KDM5A: variants seen among roughly 807,000 people sequenced by gnomAD.
KDM5A encodes lysine-specific demethylase 5A.
A neutral mutation model predicts 193.5 loss-of-function variants in KDM5A; 42 were observed. The observed-to-expected ratio is 0.22, with a 90% CI of 0.17 to 0.28. The LOEUF is 0.28. KDM5A is among the 10% of genes least tolerant of loss of function. The pLI is 1.00. For missense variants in KDM5A, 1,692 were observed against 2,055.1 expected (o/e 0.82, Z 3.42); for synonymous variants, 796 against 718.1 (o/e 1.11, Z -1.73).
At chr12:319,447 G>A (rs1004506398) in intron 18 of KDM5A, among the ~76,000 whole-genome samples, 7 of 152,182 alleles carry the variant, frequency 4.6e-5, no homozygotes, top group Non-Finnish European at 1.0e-4. Context: ...AGAAATCAAG[G>A]AGTTTGATTC....
Position 350,720 on chromosome 12 carries a change from T to A in KDM5A, c.1209A>T (p.Glu403Asp). ...EFWRLVSSIEEDVIVEYGADI... is the reference protein window; with the variant it reads ...EFWRLVSSIEDDVIVEYGADI... ...CTGCTCCATATTCCACAATAACATC[T>A]TCTTCAATGCTGCTTACCAGCCGCC... The change falls in exon 10 of 28, where the codon GAA becomes GAT. Residue 403 changes from glutamate to aspartate, a missense_variant. By Grantham distance (45) the Glu-to-Asp change is conservative. This residue lies in a region of KDM5A where 172 missense variants were observed against 260.3 expected (regional missense o/e 0.66). Coordinates refer to ENST00000399788, the MANE Select transcript of KDM5A (RefSeq NM_001042603.3). 6.2e-7 allele frequency: 1 copy of A among 1,614,092 alleles called. No individual in the cohort carries two copies. Among genetic ancestry groups the A allele is most frequent in the Non-Finnish European group, 8.5e-7 (1 of 1,179,950 alleles).
chr12:322,588 A>G, intron 16 of KDM5A, 21 bp from the exon 17 acceptor site: 2 of 1,603,276 alleles, frequency 1.2e-6, no homozygotes, highest in Non-Finnish European at 1.7e-6. Flanking sequence ...TTAAATAAAG[A>G]GCCATATACA....
chr12:348,980 G>A lies in KDM5A; in HGVS notation c.1308+1641C>T, dbSNP rs375382321. Among the ~76,000 whole-genome samples, 5 of 148,136 alleles carry A rather than the reference G, an allele frequency of 3.4e-5. No homozygotes were observed. The East Asian group carries it at 9.7e-4, about 29-fold the overall frequency. On this transcript the variant is annotated intron_variant, in intron 10 of 27. Transcript: ENST00000399788. ...TAGGGGGAAAAAACACGCATTCAGT[G>A]AGGTGAGTTGAAGAAAAGAAAAAAA... is the stretch of plus-strand genomic sequence containing the variant.
chr12:372,855 G>A (rs998619645), intron 3 of KDM5A, among the ~76,000 whole-genome samples: 2 of 152,088 alleles, frequency 1.3e-5, no homozygotes, highest in Admixed American at 6.5e-5. Context: ...ATAATTGTGT[G>A]GTTTTTGTCT....
chr12:332,397 T>C (rs1424829652), intron 12 of KDM5A, among the ~76,000 whole-genome samples: 1 of 152,188 alleles, frequency 6.6e-6, no homozygotes, highest in Non-Finnish European at 1.5e-5. Context: ...TCTCACTTTG[T>C]TTTACAATAA....
chr12:384,082 C>T lies in KDM5A; in HGVS notation c.315G>A (p.Leu105=). Residue 105 remains leucine, a synonymous_variant, in exon 3 of 28, where the codon CTG becomes CTA. Transcript: ENST00000399788. Reference sequence around the variant, plus strand: ...TTTTTCTCTCTACCACAGGGATCTTCAGAGTAGATCCTTGAAGTTCCCAAA... The same window carrying T: ...TTTTTCTCTCTACCACAGGGATCTTTAGAGTAGATCCTTGAAGTTCCCAAA... ...AKFWELQGST[L]KIPVVERKIL... is the part of the protein sequence containing the mutation. 6.2e-7 allele frequency: 1 copy of T among 1,613,120 alleles called. No homozygotes were observed. Among genetic ancestry groups the T allele is most frequent in the Non-Finnish European group, 8.5e-7 (1 of 1,179,050 alleles).
At chr12:350,878 G>A (rs146337423) in intron 9 of KDM5A, 99 bp from the exon 10 acceptor site, 1 of 1,090,920 alleles carries the variant, frequency 9.2e-7, no homozygotes, top group Non-Finnish European at 1.4e-6. Context: ...CCCATGATGA[G>A]ATTAAAAATC....
intron 10 of KDM5A, among the ~76,000 whole-genome samples, chr12:348,665 A>G (rs1041887029): frequency 1.3e-5 from 2 of 152,124 alleles, no homozygotes; most frequent in African/African-American, 4.8e-5. Flanking sequence ...ACAGGGATAG[A>G]AAACCAAAAA....
In KDM5A at chr12:389,031, C is replaced by T; in HGVS notation, c.61G>A (p.Val21Ile). 6.3e-7 allele frequency: 1 copy of T among 1,583,140 alleles called. No individual in the cohort carries two copies. The highest frequency in any genetic ancestry group is 8.6e-7 in the Non-Finnish European group (1 of 1,160,532). The change falls in exon 1 of 28, where the codon GTC (valine) becomes ATC (isoleucine). Residue 21 changes from valine to isoleucine, a missense_variant. Around this residue, in one of 11 missense-constraint regions of KDM5A, gnomAD observed 84 missense variants for 68.2 expected, o/e 1.23. Transcript: ENST00000399788. ...AACTCCTCCCAACTCGGCTCAAAGA[C>T]GGGGCACTCTGGCGGTGGCACGAAC... is the stretch of plus-strand genomic sequence containing the variant. ...AEFVPPPECPVFEPSWEEFTD... is the reference protein window; with the variant it reads ...AEFVPPPECPIFEPSWEEFTD...
chr12:330,403 C>T (rs1215216121), intron 13 of KDM5A, among the ~76,000 whole-genome samples: 1 of 152,138 alleles, frequency 6.6e-6, no homozygotes, highest in East Asian at 1.9e-4. Context: ...CACATATCCT[C>T]TAACTTGTCT....
intron 27 of KDM5A, among the ~76,000 whole-genome samples, chr12:290,376 CTA>C (rs1396943398): frequency 4.6e-5 from 7 of 152,108 alleles, no homozygotes; most frequent in African/African-American, 1.7e-4. Context: ...AAATAAAACA[CTA>C]TTTTATATAA....
chr12:321,243 G>C (rs1943712297), intron 17 of KDM5A, 134 bp from the exon 18 acceptor site: 1 of 694,786 alleles, frequency 1.4e-6, no homozygotes, highest in Non-Finnish European at 2.6e-6. Flanking sequence ...CACCACAATG[G>C]TGACCACTTC....
intron 18 of KDM5A, among the ~76,000 whole-genome samples, chr12:319,687 GA>G (rs1943692436): frequency 6.6e-6 from 1 of 152,106 alleles, no homozygotes; most frequent in African/African-American, 2.4e-5. Flanking sequence ...CTGGGAAGCA[GA>G]AGTTACAGTG....
chr12:372,853 G>A (rs1030597200), intron 3 of KDM5A, among the ~76,000 whole-genome samples: 1 of 152,176 alleles, frequency 6.6e-6, no homozygotes, highest in African/African-American at 2.4e-5. Context: ...AGATAATTGT[G>A]TGGTTTTTGT....
In KDM5A at chr12:307,855, A is replaced by G; in HGVS notation, c.3529T>C (p.Cys1177Arg). The G allele has an allele frequency of 6.2e-7, 1 of 1,614,126 alleles. No individual in the cohort carries two copies. The highest frequency in any genetic ancestry group is 8.5e-7 in the Non-Finnish European group (1 of 1,180,010). Residue 1177 changes from cysteine (C) to arginine (R), a missense_variant, in exon 23 of 28, where the codon TGT becomes CGT. This residue lies in a region of KDM5A where 965 missense variants were observed against 1,061.0 expected (regional missense o/e 0.91). Coordinates refer to ENST00000399788, the MANE Select transcript of KDM5A (RefSeq NM_001042603.3). This position sits in a 1 kb window ranked among gnomAD's most constrained non-coding sequence, Gnocchi z 4.3. ...TGGAACCAGTCTTTGCAGAGCTCAC[A>G]CTGTAGCATAAACCCACTGGCTGTC... ...RKTASGFMLQ[C>R]ELCKDWFHNS...
intron 3 of KDM5A, among the ~76,000 whole-genome samples, chr12:370,213 T>G (rs1056312434): frequency 1.3e-5 from 2 of 152,044 alleles, no homozygotes; most frequent in Non-Finnish European, 2.9e-5. Flanking sequence ...GCCAACATGG[T>G]GAAACCCTGT....
At chr12:364,779 C>A (rs1253342449) in intron 4 of KDM5A, among the ~76,000 whole-genome samples, 338 of 111,202 alleles carry the variant, frequency 3.0e-3, no homozygotes, top group East Asian at 6.4e-3. Context: ...AGTCTCATCT[C>A]AAAAAAAAAA....
chr12:382,649 G>T (rs3753159), intron 3 of KDM5A, among the ~76,000 whole-genome samples: 1 of 151,412 alleles, frequency 6.6e-6, no homozygotes, highest in Non-Finnish European at 1.5e-5. Context: ...TATTTTAGCC[G>T]GGCGCGGTGG....
chr12:365,208 A>G (rs1944342201), intron 4 of KDM5A, among the ~76,000 whole-genome samples: 1 of 152,004 alleles, frequency 6.6e-6, no homozygotes, highest in South Asian at 2.1e-4. Flanking sequence ...GCACACCACC[A>G]TACCTGGCTA....
Sources: gnomAD v4.1 joint callset for allele counts (sites outside exome capture counted in the v4.1 genomes callset) on GRCh38, gnomAD v4.1.1 for gene constraint, gnomAD v4.1.1 regional missense constraint, Gnocchi (gnomAD v3.1) non-coding constraint, MANE v1.5 for transcripts, NCBI Gene and HGNC (gene_info 2026-07-23, HGNC 2026-07-21) for gene names.